The following BMPR1B variants were observed in gnomAD, a reference collection of about 807,000 sequenced individuals.
The protein encoded by BMPR1B is bone morphogenetic protein receptor type 1B, also known as bone morphogenetic protein receptor type-1B.
A neutral mutation model predicts 59.1 loss-of-function variants in BMPR1B; 12 were observed. The ratio of observed to expected loss-of-function variants is 0.20; its 90% CI spans 0.13 to 0.33. The LOEUF (loss-of-function observed/expected upper bound fraction) is 0.33. Ranked by LOEUF, BMPR1B falls within the 10% of genes least tolerant of loss-of-function variation. BMPR1B has a pLI of 1.00. For missense variants in BMPR1B, 550 were observed against 610.9 expected, an observed-to-expected ratio of 0.90 and a Z score of 1.05; for synonymous variants, 237 against 207.3, an observed-to-expected ratio of 1.14 and a Z score of -1.23.
At chr4:94,985,302 T>C (rs1721327908) in intron 2 of BMPR1B, among the ~76,000 whole-genome samples, 1 of 152,026 alleles carries the variant, frequency 6.6e-6, no homozygotes, top group Non-Finnish European at 1.5e-5. Context: ...TATTTAAAGT[T>C]AGATAAAAGC....
chr4:94,964,550 G>C (rs1302302186), intron 2 of BMPR1B, among the ~76,000 whole-genome samples: 1 of 152,162 alleles, frequency 6.6e-6, no homozygotes, highest in Non-Finnish European at 1.5e-5. Context: ...GACTTGAAGA[G>C]TGCTTTGTTA....
chr4:94,878,308 C>T (rs1441538032), intron 2 of BMPR1B, among the ~76,000 whole-genome samples: 1 of 152,072 alleles, frequency 6.6e-6, no homozygotes, highest in African/African-American at 2.4e-5. Flanking sequence ...TTTAAAGATA[C>T]TAGGTTTTTA....
intron 3 of BMPR1B, among the ~76,000 whole-genome samples, chr4:95,054,130 A>G (rs1460208928): frequency 6.6e-6 from 1 of 152,226 alleles, no homozygotes; most frequent in South Asian, 2.1e-4. Flanking sequence ...GAATGTGAGC[A>G]TCAGGTGCAT....
At chr4:94,835,521 G>T (rs192165202) in intron 1 of BMPR1B, among the ~76,000 whole-genome samples, 2 of 152,226 alleles carry the variant, frequency 1.3e-5, no homozygotes, top group East Asian at 1.9e-4. Context: ...GTTCAGGATC[G>T]CAATAAATTA....
At chr4:95,044,244 A>G (rs1161839848) in intron 3 of BMPR1B, among the ~76,000 whole-genome samples, 1 of 152,200 alleles carries the variant, frequency 6.6e-6, no homozygotes, top group East Asian at 1.9e-4. Flanking sequence ...CACCCTTTTA[A>G]TAACAATGGT....
At chr4:95,093,618 T>C (rs2149251640) in intron 3 of BMPR1B, among the ~76,000 whole-genome samples, 1 of 152,224 alleles carries the variant, frequency 6.6e-6, no homozygotes, top group Non-Finnish European at 1.5e-5. Flanking sequence ...TATGTCATAG[T>C]CTGGTATCAC....
chr4:95,125,411 T>C (rs547623005), intron 8 of BMPR1B, among the ~76,000 whole-genome samples: 1 of 152,308 alleles, frequency 6.6e-6, no homozygotes, highest in East Asian at 1.9e-4. Context: ...GTGTTTTCCA[T>C]AAGGATAGCA....
intron 3 of BMPR1B, among the ~76,000 whole-genome samples, chr4:95,048,247 G>A (rs575354710): frequency 5.9e-5 from 9 of 152,066 alleles, no homozygotes; most frequent in African/African-American, 1.9e-4. Context: ...ATAGTGCTGC[G>A]ATGAACATAT....
intron 2 of BMPR1B, among the ~76,000 whole-genome samples, chr4:94,912,760 T>C (rs1728328679): frequency 6.6e-6 from 1 of 152,124 alleles, no homozygotes; most frequent in South Asian, 2.1e-4. Flanking sequence ...CAGGTGATTC[T>C]GGTATGTGCT....
At chr4:94,793,251 A>G (rs1298926966) in intron 1 of BMPR1B, among the ~76,000 whole-genome samples, 2 of 151,258 alleles carry the variant, frequency 1.3e-5, no homozygotes, top group Non-Finnish European at 2.9e-5. Flanking sequence ...CCCACCTATG[A>G]GTGAGAATAT....
chr4:94,895,241 G>A (rs1727543449), intron 2 of BMPR1B, among the ~76,000 whole-genome samples: 1 of 151,950 alleles, frequency 6.6e-6, no homozygotes, highest in African/African-American at 2.4e-5. Flanking sequence ...GCTTTAAGAC[G>A]TGTTTATTCA....
At chr4:95,043,227 T>TAGATAAAC (rs1725798155) in intron 3 of BMPR1B, among the ~76,000 whole-genome samples, 1 of 149,616 alleles carries the variant, frequency 6.7e-6, no homozygotes, top group Non-Finnish European at 1.5e-5. Flanking sequence ...ACCTCACAGT[T>TAGATAAAC]TATCTATCAC....
chr4:95,025,704 T>C (rs1422246260), intron 3 of BMPR1B, among the ~76,000 whole-genome samples: 1 of 152,196 alleles, frequency 6.6e-6, no homozygotes, highest in African/African-American at 2.4e-5. Flanking sequence ...GATCTTTAGA[T>C]TTGAAAGTGA....
intron 3 of BMPR1B, among the ~76,000 whole-genome samples, chr4:95,041,028 G>A (rs982678910): frequency 3.9e-5 from 6 of 152,106 alleles, no homozygotes; most frequent in Non-Finnish European, 7.4e-5. Context: ...GATTAGAAAG[G>A]TCTTTGAGAA....
intron 1 of BMPR1B, among the ~76,000 whole-genome samples, chr4:94,790,629 A>G (rs1722945619): frequency 6.6e-6 from 1 of 152,178 alleles, no homozygotes; most frequent in Non-Finnish European, 1.5e-5. Context: ...GTTTGCATTT[A>G]AGCTCTACAA....
chr4:94,881,950 G>T lies in BMPR1B; in HGVS notation c.-113+6050G>T, dbSNP rs148238345. On this transcript the variant is annotated intron_variant, in intron 2 of 12. Coordinates refer to ENST00000515059, the MANE Select transcript of BMPR1B (RefSeq NM_001203.3). ...GGGGTAAGACAGTGTCTCAACCCTGGCTATGCACCTGGCTAAATTAATGAG... is the reference window on the plus strand; with the variant it reads ...GGGGTAAGACAGTGTCTCAACCCTGTCTATGCACCTGGCTAAATTAATGAG... Among the ~76,000 whole-genome samples, 467 of 152,218 alleles carry T rather than the reference G, an allele frequency of 3.1e-3. 3 individuals carry two copies. Among genetic ancestry groups the T allele is most frequent in the Middle Eastern group, 6.8e-3 (2 of 294 alleles).
At position 95,131,416 on chromosome 4, in the gene BMPR1B, C is replaced by T. The variant is rs1157918508; in HGVS notation, c.980C>T (p.Ala327Val). ...TEIFSTQGKP[A>V]IAHRDLKSKN... The stretch of plus-strand genomic sequence containing the variant: ...ATCTTTAGTACTCAAGGCAAACCAG[C>T]AATTGCCCATCGAGATCTGAAAAGT... Residue 327 changes from alanine (A) to valine (V), a missense_variant, in exon 10 of 13, where the codon GCA (alanine) becomes GTA (valine). Ala to Val is a moderately conservative substitution (Grantham distance 64). Coordinates refer to ENST00000515059, the MANE Select transcript of BMPR1B (RefSeq NM_001203.3). 3.1e-6 allele frequency: 5 copies of T among 1,613,840 alleles called. No homozygotes were observed. The highest frequency in any genetic ancestry group is 2.7e-5 in the African/African-American group (2 of 74,876).
chr4:94,955,828 C>T (rs1730121998), intron 2 of BMPR1B, among the ~76,000 whole-genome samples: 1 of 151,998 alleles, frequency 6.6e-6, no homozygotes, highest in African/African-American at 2.4e-5. Context: ...AGGGTTTCAC[C>T]ATATTGGTCA....
intron 1 of BMPR1B, among the ~76,000 whole-genome samples, chr4:94,848,939 G>A (rs921133829): frequency 7.9e-5 from 12 of 152,152 alleles, no homozygotes; most frequent in Non-Finnish European, 7.3e-5. Context: ...AGGCTGAGAG[G>A]GACTGAGAGG....
Sources: gnomAD v4.1 joint callset for allele counts (sites outside exome capture counted in the v4.1 genomes callset) on GRCh38, gnomAD v4.1.1 for gene constraint, MANE v1.5 for transcripts, NCBI Gene and HGNC (gene_info 2026-07-23, HGNC 2026-07-21) for gene names.